The following DRC11 variants were observed in gnomAD, a reference collection of about 807,000 sequenced individuals.
DRC11 encodes the protein IQ and AAA domain-containing protein 1.
chr2:236,344,089 T>C, the DRC11 span, among the ~76,000 whole-genome samples: 3 of 151,876 alleles, frequency 2.0e-5, no homozygotes, highest in African/African-American at 7.3e-5. Flanking sequence ...GGGGGACCAT[T>C]GAAAGGAGAG....
chr2:236,341,887 CG>C, the DRC11 span, among the ~76,000 whole-genome samples: 1 of 152,158 alleles, frequency 6.6e-6, no homozygotes, highest in African/African-American at 2.4e-5. Flanking sequence ...TCAGGGTTGC[CG>C]GGAGTTTCCC....
At chr2:236,459,955 G>A in the DRC11 span, among the ~76,000 whole-genome samples, 25 of 152,026 alleles carry the variant, frequency 1.6e-4, no homozygotes, top group African/African-American at 6.0e-4. Context: ...ATTCCAAATC[G>A]TGGGAATGCA....
the DRC11 span, among the ~76,000 whole-genome samples, chr2:236,399,684 C>T: frequency 6.6e-6 from 1 of 152,194 alleles, no homozygotes; most frequent in Non-Finnish European, 1.5e-5. This position sits in a 1 kb window ranked among gnomAD's most constrained non-coding sequence, Gnocchi z 7.0. Context: ...CTCACCGAAG[C>T]ATCCCCTGCT....
the DRC11 span, among the ~76,000 whole-genome samples, chr2:236,310,488 T>C: frequency 8.7e-4 from 133 of 152,330 alleles, no homozygotes; most frequent in African/African-American, 2.6e-3. This position sits in a 1 kb window ranked among gnomAD's most constrained non-coding sequence, Gnocchi z 5.5. Context: ...TGTGTGAGTA[T>C]GTATCATGCA....
At chr2:236,352,840 C>T in the DRC11 span, among the ~76,000 whole-genome samples, 2 of 152,210 alleles carry the variant, frequency 1.3e-5, no homozygotes, top group Non-Finnish European at 2.9e-5. This position sits in a 1 kb window ranked among gnomAD's most constrained non-coding sequence, Gnocchi z 7.0. Context: ...CTTTTACTAC[C>T]CCAAATAGTA....
chr2:236,502,437 C>G, the DRC11 span, among the ~76,000 whole-genome samples: 1 of 148,996 alleles, frequency 6.7e-6, no homozygotes, highest in African/African-American at 2.5e-5. Flanking sequence ...ATTAGCTGGG[C>G]ATGGTGGCAG....
At chr2:236,416,724 TATATATATATATA>T in the DRC11 span, among the ~76,000 whole-genome samples, 34 of 20,500 alleles carry the variant, frequency 1.7e-3, 1 homozygote, top group Admixed American at 4.1e-3. Context: ...TATATATTTA[TATATATATATATA>T]TATATATATA....
the DRC11 span, among the ~76,000 whole-genome samples, chr2:236,323,442 CAGG>C: frequency 6.6e-6 from 1 of 152,160 alleles, no homozygotes; most frequent in Admixed American, 6.5e-5. The surrounding 1 kb of genome is among the most constrained non-coding windows in gnomAD (Gnocchi z 6.4). Flanking sequence ...AGGGGACACT[CAGG>C]AGGAGGATGA....
chr2:236,370,347 C>T, the DRC11 span, among the ~76,000 whole-genome samples: 1 of 151,806 alleles, frequency 6.6e-6, no homozygotes, highest in Non-Finnish European at 1.5e-5. The surrounding 1 kb of genome is among the most constrained non-coding windows in gnomAD (Gnocchi z 5.5). Flanking sequence ...TTACCTCATC[C>T]CATAGTAGTG....
chr2:236,406,107 T>C, the DRC11 span, among the ~76,000 whole-genome samples: 41 of 152,330 alleles, frequency 2.7e-4, no homozygotes, highest in Non-Finnish European at 5.4e-4. This position sits in a 1 kb window ranked among gnomAD's most constrained non-coding sequence, Gnocchi z 4.7. Flanking sequence ...AAATGCTACA[T>C]GGAGAACGTT....
At chr2:236,498,404 G>T in the DRC11 span, among the ~76,000 whole-genome samples, 1 of 151,638 alleles carries the variant, frequency 6.6e-6, no homozygotes, top group Non-Finnish European at 1.5e-5. Flanking sequence ...GGTGGAGTTT[G>T]CAGTGACCCG....
chr2:236,357,944 A>G, the DRC11 span, among the ~76,000 whole-genome samples: 2 of 114,120 alleles, frequency 1.8e-5, no homozygotes, highest in Non-Finnish European at 3.2e-5. Flanking sequence ...ATGAATATAT[A>G]ATATATAAAT....
chr2:236,307,972 G>T, the DRC11 span, among the ~76,000 whole-genome samples: 1 of 152,072 alleles, frequency 6.6e-6, no homozygotes, highest in Admixed American at 6.5e-5. The surrounding 1 kb of genome is among the most constrained non-coding windows in gnomAD (Gnocchi z 7.0). Context: ...TGTGCTTGCA[G>T]TGACACAAGC....
chr2:236,447,944 T>C, the DRC11 span, among the ~76,000 whole-genome samples: 1 of 152,146 alleles, frequency 6.6e-6, no homozygotes, highest in Non-Finnish European at 1.5e-5. This position sits in a 1 kb window ranked among gnomAD's most constrained non-coding sequence, Gnocchi z 4.6. Context: ...ATGTCAACTT[T>C]GTAAATCAGC....
the DRC11 span, among the ~76,000 whole-genome samples, chr2:236,491,371 T>C: frequency 2.0e-5 from 3 of 149,920 alleles, no homozygotes; most frequent in African/African-American, 7.4e-5. Flanking sequence ...TCTGAGCCCC[T>C]GGCACATGTG....
chr2:236,347,508 C>CTATATATATATATATATATA, the DRC11 span, among the ~76,000 whole-genome samples: 774 of 107,278 alleles, frequency 7.2e-3, 37 homozygotes, highest in Middle Eastern at 0.014. Context: ...AAAAACTGTG[C>CTATATATATATATATATATA]TATATATATA....
the DRC11 span, among the ~76,000 whole-genome samples, chr2:236,327,320 G>A: frequency 6.6e-6 from 1 of 152,108 alleles, no homozygotes; most frequent in Non-Finnish European, 1.5e-5. Context: ...GCAGTGGCAC[G>A]ATCTTGGCTC....
chr2:236,324,705 T>C, the DRC11 span: 3 of 1,589,864 alleles, frequency 1.9e-6, no homozygotes, highest in Non-Finnish European at 8.6e-7. This position sits in a 1 kb window ranked among gnomAD's most constrained non-coding sequence, Gnocchi z 5.7. Flanking sequence ...CTTTTCCCTT[T>C]GTCCTTTGCC....
the DRC11 span, among the ~76,000 whole-genome samples, chr2:236,419,966 G>A: frequency 1.3e-5 from 2 of 152,158 alleles, no homozygotes; most frequent in South Asian, 2.1e-4. This position sits in a 1 kb window ranked among gnomAD's most constrained non-coding sequence, Gnocchi z 4.8. Context: ...ACAATGACAG[G>A]ACACGCTTCC....
Sources: gnomAD v4.1 joint callset for allele counts (sites outside exome capture counted in the v4.1 genomes callset) on GRCh38, gnomAD v4.1.1 for gene constraint, Gnocchi (gnomAD v3.1) non-coding constraint, MANE v1.5 for transcripts, NCBI Gene and HGNC (gene_info 2026-07-23, HGNC 2026-07-21) for gene names.